The following LAMA4 variants were observed in gnomAD, a reference collection of about 807,000 sequenced individuals.
LAMA4 encodes the protein laminin subunit alpha-4.
Under a neutral mutation model 207.1 loss-of-function variants are expected in LAMA4, and 127 were observed. The ratio of observed to expected loss-of-function variants is 0.61; its 90% confidence interval spans 0.53 to 0.71. The LOEUF (loss-of-function observed/expected upper bound fraction) is 0.71. Ranked by LOEUF, LAMA4 falls within the 30% of genes least tolerant of loss-of-function variation. The probability of loss-of-function intolerance (pLI) is 0.00; values close to 1 mark genes in which losing one functional copy is unlikely to be tolerated. For synonymous variants in LAMA4, 761 were observed against 816.0 expected (o/e 0.93, Z 1.15); for missense variants, 2,093 against 2,246.5 (o/e 0.93, Z 1.38).
chr6:112,214,068 A>G (rs1249405707), intron 3 of LAMA4: 5 of 756,658 alleles, frequency 6.6e-6, no homozygotes, highest in Admixed American at 3.6e-5. Context: ...CTCCGTCAGT[A>G]GTCTGGGATA....
chr6:112,111,295 T>C (rs1258287292), intron 38 of LAMA4, among the ~76,000 whole-genome samples: 3 of 152,174 alleles, frequency 2.0e-5, no homozygotes, highest in Non-Finnish European at 4.4e-5. Context: ...CCACCCACCT[T>C]GGCCTCCCAA....
chr6:112,234,614 C>G (rs1443760913), intron 2 of LAMA4: 4 of 149,738 alleles, frequency 2.7e-5, no homozygotes, highest in African/African-American at 9.8e-5. Flanking sequence ...AAAAGAAAAC[C>G]AACGTAGTTT....
Position 112,139,933 on chromosome 6 carries a change from C to T in LAMA4, c.2977-48G>A, listed in dbSNP as rs200713694. ...CCACTTGTCTCATGGTCATATTTTA[C>T]TCAGACATCACAGAACAGACAATGC... On this transcript the variant is annotated intron_variant, in intron 22 of 38. Coordinates refer to ENST00000230538, the MANE Select transcript of LAMA4 (RefSeq NM_001105206.3). 1.5e-3 allele frequency: 2,343 copies of T among 1,592,272 alleles called. 5 individuals carry two copies. The highest frequency in any genetic ancestry group is 3.3e-3 in the South Asian group (302 of 90,580).
chr6:112,146,408 T>G (rs1780032205), intron 18 of LAMA4, among the ~76,000 whole-genome samples: 7 of 152,074 alleles, frequency 4.6e-5, no homozygotes, highest in Admixed American at 3.9e-4. Flanking sequence ...AAAGTGTGGT[T>G]CCCAGACAAG....
At chr6:112,219,471 C>A (rs1476934701) in intron 2 of LAMA4, 1 of 152,122 alleles carries the variant, frequency 6.6e-6, no homozygotes, top group African/African-American at 2.4e-5. Context: ...ACATGAGAAG[C>A]CTGTCCTATA....
chr6:112,162,797 G>A (rs1781134735), intron 13 of LAMA4, among the ~76,000 whole-genome samples: 2 of 152,032 alleles, frequency 1.3e-5, no homozygotes, highest in African/African-American at 4.8e-5. Context: ...ATAGCTGGAG[G>A]TATAATTGTG....
At chr6:112,138,569 A>G (rs1779492175) in intron 24 of LAMA4, among the ~76,000 whole-genome samples, 2 of 152,024 alleles carry the variant, frequency 1.3e-5, no homozygotes, top group South Asian at 4.2e-4. Context: ...TATCATTAAT[A>G]AATAAGTCAA....
intron 19 of LAMA4, 75 bp from the exon 20 acceptor site, chr6:112,142,367 C>G: frequency 7.4e-7 from 1 of 1,342,824 alleles, no homozygotes; most frequent in South Asian, 1.2e-5. Flanking sequence ...TTCCCTCATT[C>G]GTGACAGGGG....
intron 3 of LAMA4, among the ~76,000 whole-genome samples, chr6:112,214,244 T>C (rs1327515120): frequency 6.6e-6 from 1 of 152,048 alleles, no homozygotes; most frequent in Non-Finnish European, 1.5e-5. Context: ...CTTTTTTCTT[T>C]TTTTCTTTTG....
chr6:112,202,256 CCTCT>C (rs1274041013), intron 4 of LAMA4, among the ~76,000 whole-genome samples: 1 of 152,154 alleles, frequency 6.6e-6, no homozygotes, highest in Non-Finnish European at 1.5e-5. Flanking sequence ...CCCATGGAAC[CCTCT>C]CTCTTTCTTC....
intron 9 of LAMA4, among the ~76,000 whole-genome samples, chr6:112,184,121 A>G (rs1390048537): frequency 6.6e-6 from 1 of 152,094 alleles, no homozygotes; most frequent in African/African-American, 2.4e-5. Context: ...TTGGATTAAT[A>G]TGTGCCATTG....
At chr6:112,187,654 G>T in intron 7 of LAMA4, 53 bp from the exon 8 acceptor site, 2 of 1,569,466 alleles carry the variant, frequency 1.3e-6, no homozygotes, top group Non-Finnish European at 1.7e-6. Flanking sequence ...GCTAAAGGCA[G>T]GCCGTTTTAG....
intron 2 of LAMA4, 110 bp downstream of exon 2, chr6:112,253,846 T>C (rs1562116702): frequency 6.2e-7 from 1 of 1,614,216 alleles, no homozygotes. Flanking sequence ...GGTGAAACTC[T>C]CAAGGCACTG....
intron 2 of LAMA4, chr6:112,217,828 T>C (rs2115065888): frequency 6.6e-6 from 1 of 152,306 alleles, no homozygotes; most frequent in South Asian, 2.1e-4. Flanking sequence ...TAGTTTCCAC[T>C]AGAAAACAAG....
In LAMA4 at chr6:112,196,926, C is replaced by G. The variant is rs538316514; in HGVS notation, c.503+4682G>C. 2.1e-3 allele frequency among the ~76,000 whole-genome samples: 323 copies of G among 152,250 alleles called. 2 individuals carry two copies. The highest frequency in any genetic ancestry group is 7.7e-3 in the African/African-American group (318 of 41,544). On this transcript the variant is annotated intron_variant, in intron 5 of 38. Coordinates refer to ENST00000230538, the MANE Select transcript of LAMA4 (RefSeq NM_001105206.3). ...CAGAGGAGGGATAAGGGATATGATG[C>G]TGTGTCTGTCAAGCAGCTCATAGTT...
Position 112,117,669 on chromosome 6 carries a change from G to T in LAMA4, c.4981+70C>A, listed in dbSNP as rs1778099458. On this transcript the variant is annotated intron_variant, in intron 35 of 38. Coordinates refer to ENST00000230538, the MANE Select transcript of LAMA4 (RefSeq NM_001105206.3). This position sits in a 1 kb window ranked among gnomAD's most constrained non-coding sequence, Gnocchi z 4.5. ...ATTCTTAAGTTTTAACTCTGGGCCT[G>T]ATATTCCCTGTTAGCCATCTCCAGG... The T allele has an allele frequency of 6.8e-7, 1 of 1,470,056 alleles. No homozygotes were observed. Among genetic ancestry groups the T allele is most frequent in the Non-Finnish European group, 9.5e-7 (1 of 1,052,420 alleles). 91.1% of individuals were successfully genotyped at this position (1,470,056 alleles called of 1,614,324 possible).
At chr6:112,193,561 C>A in intron 5 of LAMA4, among the ~76,000 whole-genome samples, 1 of 152,092 alleles carries the variant, frequency 6.6e-6, no homozygotes, top group East Asian at 1.9e-4. Context: ...GTTCCCATGT[C>A]TCAGTTTCTT....
intron 23 of LAMA4, 152 bp from the exon 24 acceptor site, chr6:112,139,443 T>C: frequency 1.1e-6 from 1 of 878,238 alleles, no homozygotes; most frequent in Non-Finnish European, 1.8e-6. Context: ...TAAAGAGGTA[T>C]TTGTAGGTAT....
At chr6:112,128,367 G>T (rs894191266) in intron 31 of LAMA4, among the ~76,000 whole-genome samples, 1 of 152,114 alleles carries the variant, frequency 6.6e-6, no homozygotes, top group Non-Finnish European at 1.5e-5. Context: ...TATCATAAGT[G>T]GGAGCTAAAA....
Sources: allele counts gnomAD v4.1 joint callset (sites outside exome capture counted in the v4.1 genomes callset), GRCh38; gene constraint gnomAD v4.1.1; non-coding constraint Gnocchi (gnomAD v3.1); transcripts MANE v1.5; gene names NCBI Gene and HGNC (gene_info 2026-07-23, HGNC 2026-07-21).